Variants in SLC44A3 observed in about 807,000 individuals in gnomAD.
The protein encoded by SLC44A3 is solute carrier family 44 member 3, also known as choline transporter-like protein 3.
A neutral mutation model predicts 75.4 loss-of-function variants in SLC44A3; 74 were observed. That is an observed-to-expected ratio of 0.98 (90% CI 0.81 to 1.19). The LOEUF (loss-of-function observed/expected upper bound fraction) is 1.19, where lower values mean the gene tolerates loss of function less well. Among genes scored for constraint, SLC44A3 ranks in the 50% most tolerant of loss-of-function variants. SLC44A3 has a pLI of 0.00. For missense variants in SLC44A3, 700 were observed against 778.6 expected (o/e 0.90, Z 1.20); for synonymous variants, 310 against 296.9 (o/e 1.04, Z -0.45).
intron 9 of SLC44A3, among the ~76,000 whole-genome samples, chr1:94,853,185 G>A (rs1665428409): frequency 6.6e-6 from 1 of 152,214 alleles, no homozygotes; most frequent in Non-Finnish European, 1.5e-5. Context: ...GGTCGAAGGA[G>A]AAGGGGTGGA....
intron 9 of SLC44A3, 104 bp downstream of exon 9, chr1:94,845,568 C>G: frequency 8.9e-7 from 1 of 1,128,986 alleles, no homozygotes; most frequent in Non-Finnish European, 1.2e-6. Flanking sequence ...CTCATTGAGC[C>G]AGAGGTGTCT....
At chr1:94,831,720 G>A (rs532047968) in intron 5 of SLC44A3, among the ~76,000 whole-genome samples, 1 of 152,352 alleles carries the variant, frequency 6.6e-6, no homozygotes, top group South Asian at 2.1e-4. Context: ...ATAGGTGCCT[G>A]TGCATGTCAC....
At chr1:94,824,676 C>T in intron 3 of SLC44A3, 41 bp downstream of exon 3, 1 of 1,494,382 alleles carries the variant, frequency 6.7e-7, no homozygotes. Context: ...AGGAACTGTA[C>T]CTCAAAACTT....
intron 12 of SLC44A3, among the ~76,000 whole-genome samples, chr1:94,887,382 C>A (rs1184983455): frequency 1.3e-5 from 2 of 152,034 alleles, no homozygotes; most frequent in African/African-American, 4.8e-5. Context: ...CTGTTGCACT[C>A]AGGGTTGAAT....
At chr1:94,882,879 A>G (rs1411497857) in intron 12 of SLC44A3, among the ~76,000 whole-genome samples, 1 of 149,672 alleles carries the variant, frequency 6.7e-6, no homozygotes, top group African/African-American at 2.5e-5. Context: ...TTGGTGAAAT[A>G]AGAGCATTTT....
At chr1:94,835,456 A>G (rs1662658791) in intron 5 of SLC44A3, among the ~76,000 whole-genome samples, 1 of 152,224 alleles carries the variant, frequency 6.6e-6, no homozygotes, top group African/African-American at 2.4e-5. Flanking sequence ...TCACAAATAT[A>G]CTGTGGTTAT....
chr1:94,826,748 A>G (rs931009478), intron 3 of SLC44A3, among the ~76,000 whole-genome samples: 3 of 152,094 alleles, frequency 2.0e-5, no homozygotes, highest in African/African-American at 7.2e-5. Flanking sequence ...TCTGTTCCTC[A>G]TCTCCTGTTG....
chr1:94,891,190 T>A lies in SLC44A3; in HGVS notation c.1543T>A (p.Phe515Ile), dbSNP rs575071849. ...TTTCTGTACATCAGCAAAAGATGCA[T>A]TCAAAATCTTGTCCAAGAACTCAAG... ...TDFCTSAKDA[F>I]KILSKNSSHF... Residue 515 changes from phenylalanine (F) to isoleucine (I), a missense_variant, in exon 13 of 15, where the codon TTC becomes ATC. Phe to Ile is a conservative substitution (Grantham distance 21). Coordinates refer to ENST00000271227, the MANE Select transcript of SLC44A3 (RefSeq NM_001114106.3). 39 of 1,613,618 alleles carry A rather than the reference T, an allele frequency of 2.4e-5. 2 individuals carry two copies. In the South Asian group the frequency reaches 2.9e-4, roughly 12 times the overall value.
At chr1:94,853,482 A>C (rs375827632) in intron 9 of SLC44A3, among the ~76,000 whole-genome samples, 21 of 152,188 alleles carry the variant, frequency 1.4e-4, no homozygotes, top group African/African-American at 4.8e-4. Context: ...CAATAGAGAG[A>C]AAGATTTTGA....
At chr1:94,866,133 C>T (rs1027924588) in intron 11 of SLC44A3, among the ~76,000 whole-genome samples, 11 of 152,284 alleles carry the variant, frequency 7.2e-5, no homozygotes, top group African/African-American at 2.6e-4. Flanking sequence ...TCTTAGGAAA[C>T]TTGCAGGATT....
chr1:94,832,810 C>T (rs1292948629), intron 5 of SLC44A3, among the ~76,000 whole-genome samples: 1 of 152,224 alleles, frequency 6.6e-6, no homozygotes, highest in East Asian at 1.9e-4. Context: ...CATGTCTCTA[C>T]AAAAATTTAA....
chr1:94,827,312 A>G (rs1460607066), intron 3 of SLC44A3, 195 bp from the exon 4 acceptor site: 3 of 636,636 alleles, frequency 4.7e-6, no homozygotes, highest in South Asian at 2.0e-5. Context: ...ATGTTTTTGG[A>G]TAGTTTCCAA....
chr1:94,852,712 C>A (rs1213326748), intron 9 of SLC44A3, among the ~76,000 whole-genome samples: 1 of 152,022 alleles, frequency 6.6e-6, no homozygotes, highest in East Asian at 1.9e-4. Flanking sequence ...TTGGAAGTGG[C>A]ATGACATATT....
chr1:94,846,824 A>G (rs1203168194), intron 9 of SLC44A3, among the ~76,000 whole-genome samples: 2 of 152,242 alleles, frequency 1.3e-5, no homozygotes, highest in East Asian at 3.8e-4. Flanking sequence ...TGTTTTCTCA[A>G]GTTTATCTTG....
intron 12 of SLC44A3, among the ~76,000 whole-genome samples, chr1:94,878,793 C>T (rs751710489): frequency 3.9e-5 from 6 of 152,106 alleles, no homozygotes; most frequent in Non-Finnish European, 8.8e-5. Context: ...CATATGTGGC[C>T]AAATGATTTT....
At chr1:94,861,085 A>G (rs1200766163) in intron 10 of SLC44A3, among the ~76,000 whole-genome samples, 5 of 152,246 alleles carry the variant, frequency 3.3e-5, no homozygotes, top group Admixed American at 1.3e-4. Flanking sequence ...AATTAACTTC[A>G]GAAAAAAAAA....
At position 94,889,524 on chromosome 1, in the gene SLC44A3, T is replaced by TCACACACACA. The variant is rs57397808; in HGVS notation, c.1483-1585_1483-1576dup. 2.7e-3 allele frequency among the ~76,000 whole-genome samples: 301 copies of TCACACACACA among 111,728 alleles called. 3 individuals carry two copies. Among genetic ancestry groups the TCACACACACA allele is most frequent in the African/African-American group, 7.6e-3 (285 of 37,724 alleles). 73.3% of individuals were successfully genotyped at this position (111,728 alleles called of 152,430 possible). On this transcript the variant is annotated intron_variant, in intron 12 of 14. Coordinates refer to ENST00000271227, the MANE Select transcript of SLC44A3 (RefSeq NM_001114106.3). ...GAGAAATCGTCTCATGTGAACATAA[T>TCACACACACA]CACACACACACACACACACACACAC...
At chr1:94,862,680 C>T (rs1666714363) in intron 10 of SLC44A3, among the ~76,000 whole-genome samples, 1 of 152,132 alleles carries the variant, frequency 6.6e-6, no homozygotes, top group Non-Finnish European at 1.5e-5. Flanking sequence ...CCCGTGTCTT[C>T]CTTATTGCCA....
chr1:94,866,689 A>T (rs1197481412), intron 11 of SLC44A3, among the ~76,000 whole-genome samples: 2 of 152,088 alleles, frequency 1.3e-5, no homozygotes, highest in African/African-American at 4.8e-5. Context: ...CTATTTCAGG[A>T]TTGTTTTCAG....
Sources: allele counts gnomAD v4.1 joint callset (sites outside exome capture counted in the v4.1 genomes callset), GRCh38; gene constraint gnomAD v4.1.1; transcripts MANE v1.5; gene names NCBI Gene and HGNC (gene_info 2026-07-23, HGNC 2026-07-21).